Variants in FUBP3 observed in about 807,000 individuals in gnomAD.
The protein encoded by FUBP3 is far upstream element-binding protein 3.
Under a neutral mutation model 85.6 loss-of-function variants are expected in FUBP3, and 28 were observed. That is an observed-to-expected ratio of 0.33 (90% CI 0.24 to 0.45). The LOEUF is 0.45. Ranked by LOEUF, FUBP3 falls within the 20% of genes least tolerant of loss-of-function variation. The pLI, the probability that FUBP3 is intolerant of heterozygous loss-of-function variation, is 1.00. For synonymous variants in FUBP3, 271 were observed against 271.4 expected (o/e 1.00, Z 0.01); for missense variants, 583 against 755.1 (o/e 0.77, Z 2.67).
intron 1 of FUBP3, among the ~76,000 whole-genome samples, chr9:130,591,178 C>G (rs1045675885): frequency 6.6e-6 from 1 of 152,182 alleles, no homozygotes; most frequent in Admixed American, 6.5e-5. Flanking sequence ...GGCACGGTGG[C>G]TCACGCCTGT....
At position 130,620,377 on chromosome 9, in the gene FUBP3, G is replaced by A. The variant is rs1382676844; in HGVS notation, c.690G>A (p.Glu230=). 6.2e-7 allele frequency: 1 copy of A among 1,601,166 alleles called. No homozygotes were observed. Residue 230 remains glutamate, a synonymous_variant, in exon 9 of 19, where the codon GAG becomes GAA. Transcript: ENST00000319725. Reference sequence around the variant, plus strand: ...AGCAAGCAAGAGAAATGGTACTAGAGATTATCCGAGAAAAAGACCAAGCTG... The same window carrying A: ...AGCAAGCAAGAGAAATGGTACTAGAAATTATCCGAGAAAAAGACCAAGCTG... ...KVQQAREMVL[E]IIREKDQADF... is the part of the protein sequence containing the mutation.
At chr9:130,579,820 C>A in intron 1 of FUBP3, 56 bp downstream of exon 1, 2 of 928,404 alleles carry the variant, frequency 2.2e-6, no homozygotes, top group Non-Finnish European at 2.8e-6. Context: ...GCCTGGCGGG[C>A]GGGGAAGAGG....
intron 1 of FUBP3, among the ~76,000 whole-genome samples, chr9:130,595,203 G>T (rs1056773555): frequency 2.3e-4 from 34 of 145,072 alleles, no homozygotes; most frequent in African/African-American, 8.5e-4. Context: ...TCCAGCCTGG[G>T]CAACAAGAGC....
rs779720242 is a variant in FUBP3, at chr9:130,632,248, G to T, written c.1480G>T (p.Ala494Ser). 1 of 1,613,990 alleles carries T rather than the reference G, an allele frequency of 6.2e-7. No homozygotes were observed. Among genetic ancestry groups the T allele is most frequent in the South Asian group, 1.1e-5 (1 of 91,086 alleles). ...CCAGGGCTGGGGCAGCACCTACCAG[G>T]CGTGGCAGCAGCCCACACAGCAGGT... ...LTQGWGSTYQ[A>S]WQQPTQQVPS... The change falls in exon 16 of 19, where the codon GCG becomes TCG. Residue 494 changes from alanine to serine, a missense_variant. Physicochemically the swap from Ala to Ser is moderately conservative, Grantham distance 99. This residue lies in a region of FUBP3 where 404 missense variants were observed against 516.8 expected (regional missense o/e 0.78). Coordinates refer to ENST00000319725, the MANE Select transcript of FUBP3 (RefSeq NM_003934.2).
chr9:130,616,606 C>A lies in FUBP3; in HGVS notation c.567+89C>A. Reference sequence around the variant, plus strand: ...AGGAGATCTGCTTACGGCTGGCATTCCCTGGCTGGGCTGGCTTTGTGCAGC... The same window carrying A: ...AGGAGATCTGCTTACGGCTGGCATTACCTGGCTGGGCTGGCTTTGTGCAGC... On this transcript the variant is annotated intron_variant, in intron 7 of 18. Coordinates refer to ENST00000319725, the MANE Select transcript of FUBP3 (RefSeq NM_003934.2). This position sits in a 1 kb window ranked among gnomAD's most constrained non-coding sequence, Gnocchi z 4.7. 7.8e-7 allele frequency: 1 copy of A among 1,284,314 alleles called. No homozygotes were observed. Among genetic ancestry groups the A allele is most frequent in the Non-Finnish European group, 1.1e-6 (1 of 899,512 alleles). 79.6% of individuals were successfully genotyped at this position (1,284,314 alleles called of 1,614,324 possible). A position where few individuals can be genotyped will look rare whatever the true frequency, so the allele number is the denominator to read the frequency against.
intron 11 of FUBP3, among the ~76,000 whole-genome samples, chr9:130,625,274 G>A (rs1180922168): frequency 6.6e-6 from 1 of 152,168 alleles, no homozygotes; most frequent in Non-Finnish European, 1.5e-5. Context: ...CCTTTTCTTC[G>A]AGATCTGTGG....
At chr9:130,600,122 T>TCCCTCCCTCCCA (rs1831082055) in intron 2 of FUBP3, among the ~76,000 whole-genome samples, 1 of 64,088 alleles carries the variant, frequency 1.6e-5, no homozygotes, top group African/African-American at 6.6e-5. Flanking sequence ...CCTCCCTCCC[T>TCCCTCCCTCCCA]CCCTCTTTCC....
At chr9:130,586,749 CTTT>C (rs34911755) in intron 1 of FUBP3, among the ~76,000 whole-genome samples, 2 of 113,292 alleles carry the variant, frequency 1.8e-5, no homozygotes, top group African/African-American at 3.5e-5. Flanking sequence ...AAGCAGCAAT[CTTT>C]TTTTTTTTTT....
chr9:130,603,692 T>G (rs1831280236), intron 2 of FUBP3, among the ~76,000 whole-genome samples: 1 of 152,214 alleles, frequency 6.6e-6, no homozygotes, highest in African/African-American at 2.4e-5. Context: ...GCATCAATGT[T>G]GTGACAAAAA....
At chr9:130,631,438 G>A (rs1830204891) in intron 13 of FUBP3, 119 bp from the exon 14 acceptor site, 14 of 1,258,230 alleles carry the variant, frequency 1.1e-5, no homozygotes, top group African/African-American at 1.5e-5. Context: ...GTGCGTAGGT[G>A]TCCTTACTTC....
intron 18 of FUBP3, 42 bp downstream of exon 18, chr9:130,636,168 C>G: frequency 1.3e-6 from 2 of 1,596,170 alleles, no homozygotes; most frequent in Non-Finnish European, 8.6e-7. Flanking sequence ...TCCCTAGCCC[C>G]GAGCCCCTGC....
intron 2 of FUBP3, among the ~76,000 whole-genome samples, chr9:130,597,924 C>T (rs3802343): frequency 0.16 from 24,126 of 152,168 alleles, 2,174 homozygotes; most frequent in African/African-American, 0.23. Flanking sequence ...AACTTTCCTT[C>T]TTGCTATAGG....
chr9:130,589,683 ATATATATATATATATATATATATTTTTTT>A, intron 1 of FUBP3, among the ~76,000 whole-genome samples: 1 of 24,150 alleles, frequency 4.1e-5, no homozygotes, highest in Admixed American at 5.6e-4. Context: ...GTGTATATAT[ATATATATATATATATATATATATTTTTTT>A]TTTTTTTTTT....
At chr9:130,628,772 T>A (rs12343529) in intron 12 of FUBP3, among the ~76,000 whole-genome samples, 12,022 of 152,208 alleles carry the variant, frequency 0.079, 969 homozygotes, top group African/African-American at 0.2. Context: ...CTTTTTTATT[T>A]TTTTTTATTT....
chr9:130,629,912 C>T (rs563501075), intron 12 of FUBP3, among the ~76,000 whole-genome samples: 2 of 152,360 alleles, frequency 1.3e-5, no homozygotes, highest in South Asian at 4.1e-4. Flanking sequence ...ACTATTGTTA[C>T]GCTGCTGGAG....
intron 13 of FUBP3, chr9:130,631,259 T>C (rs1830196643): frequency 1.5e-6 from 2 of 1,320,948 alleles, no homozygotes; most frequent in Non-Finnish European, 1.9e-6. Flanking sequence ...AGAAAGAGCC[T>C]TGGGCCAGCC....
At chr9:130,630,879 G>T (rs942302806) in intron 13 of FUBP3, 91 bp downstream of exon 13, 1 of 997,018 alleles carries the variant, frequency 1.0e-6, no homozygotes, top group African/African-American at 1.7e-5. Context: ...ACCTTGTGCT[G>T]CTTGTGCCTG....
intron 1 of FUBP3, among the ~76,000 whole-genome samples, chr9:130,590,199 G>C (rs926119482): frequency 3.9e-5 from 6 of 151,960 alleles, no homozygotes; most frequent in Non-Finnish European, 1.5e-5. Context: ...ACATTCATCC[G>C]TGTATCTCCC....
chr9:130,589,705 A>ATATATTT (rs1414691549), intron 1 of FUBP3, among the ~76,000 whole-genome samples: 2 of 73,836 alleles, frequency 2.7e-5, no homozygotes, highest in African/African-American at 7.7e-5. Flanking sequence ...ATATATATAT[A>ATATATTT]TTTTTTTTTT....
Sources: allele counts gnomAD v4.1 joint callset (sites outside exome capture counted in the v4.1 genomes callset), GRCh38; gene constraint gnomAD v4.1.1; regional missense constraint gnomAD v4.1.1; non-coding constraint Gnocchi (gnomAD v3.1); transcripts MANE v1.5; gene names NCBI Gene and HGNC (gene_info 2026-07-23, HGNC 2026-07-21).